Variants in NPAS3 observed in about 807,000 individuals in gnomAD.
The protein encoded by NPAS3 is neuronal PAS domain protein 3, also known as neuronal PAS domain-containing protein 3.
Under a neutral mutation model 73.1 loss-of-function variants are expected in NPAS3, and 14 were observed. That is an observed-to-expected ratio of 0.19 (90% CI 0.13 to 0.30). The LOEUF (loss-of-function observed/expected upper bound fraction) is 0.30, where lower values mean the gene tolerates loss of function less well. NPAS3 is among the 10% of genes least tolerant of loss of function. The pLI is 1.00. For synonymous variants in NPAS3, 620 were observed against 541.5 expected (o/e 1.14, Z -2.01); for missense variants, 1,096 against 1,250.0 (o/e 0.88, Z 1.86).
chr14:33,409,691 G>C lies in NPAS3; in HGVS notation c.468+42423G>C, dbSNP rs1050568933. Among the ~76,000 whole-genome samples the C allele has an allele frequency of 2.6e-5, 4 of 152,308 alleles. No homozygotes were observed. The South Asian group carries it at 8.3e-4, about 32-fold the overall frequency. ...GATTCATTCATTAGCTATGATTCCA[G>C]AAGAGTCTGGCCCTGGGCCTTTATG... On this transcript the variant is annotated intron_variant, in intron 4 of 11. Coordinates refer to ENST00000356141, the Ensembl canonical transcript of NPAS3.
chr14:33,479,248 A>C (rs577535914), intron 4 of NPAS3, among the ~76,000 whole-genome samples: 1 of 152,156 alleles, frequency 6.6e-6, no homozygotes, highest in African/African-American at 2.4e-5. Context: ...TGTTAAATGC[A>C]TGCATGTTGC....
At chr14:33,511,222 G>C (rs899962162) in intron 4 of NPAS3, among the ~76,000 whole-genome samples, 2 of 152,026 alleles carry the variant, frequency 1.3e-5, no homozygotes, top group African/African-American at 4.8e-5. Context: ...TTGCAGAAAC[G>C]CATCAGACTC....
At chr14:33,636,045 C>T (rs558803515) in intron 5 of NPAS3, among the ~76,000 whole-genome samples, 193 of 152,298 alleles carry the variant, frequency 1.3e-3, no homozygotes, top group African/African-American at 4.3e-3. Flanking sequence ...CTTAGCCTCC[C>T]GAGTAGCTGG....
At chr14:33,578,403 A>G (rs914778608) in intron 5 of NPAS3, 1 of 357,158 alleles carries the variant, frequency 2.8e-6, no homozygotes, top group Non-Finnish European at 5.4e-6. Context: ...CATTTTGGTC[A>G]GGGTGGTCTG....
chr14:33,125,309 AT>A (rs1365223909), intron 2 of NPAS3, among the ~76,000 whole-genome samples: 2 of 152,116 alleles, frequency 1.3e-5, no homozygotes, highest in Non-Finnish European at 2.9e-5. Flanking sequence ...AACGGAATTT[AT>A]TTATGGGCAA....
chr14:33,141,510 T>C (rs900717125), intron 2 of NPAS3, among the ~76,000 whole-genome samples: 1 of 152,232 alleles, frequency 6.6e-6, no homozygotes, highest in Non-Finnish European at 1.5e-5. Context: ...TCACAGTAGC[T>C]ACTGTTTAGA....
chr14:33,102,177 C>A (rs982527109), intron 2 of NPAS3, among the ~76,000 whole-genome samples: 1 of 152,116 alleles, frequency 6.6e-6, no homozygotes, highest in Non-Finnish European at 1.5e-5. Flanking sequence ...GCCGTTGGGA[C>A]TTTACTGTGG....
Position 33,452,222 on chromosome 14 carries a change from G to A in NPAS3, c.468+84954G>A, listed in dbSNP as rs113178495. Among the ~76,000 whole-genome samples the A allele has an allele frequency of 3.9e-4, 59 of 152,248 alleles. 3 individuals are homozygous for A. Among genetic ancestry groups the A allele is most frequent in the African/African-American group, 1.3e-3 (54 of 41,538 alleles). On this transcript the variant is annotated intron_variant, in intron 4 of 11. Transcript: ENST00000356141. ...CCCAGGCTCCTGGTTGTGGACTCTC[G>A]GATGGGGCTGGGCATTGTTAAAGGA...
chr14:33,598,949 A>T (rs2139987718), intron 5 of NPAS3, among the ~76,000 whole-genome samples: 1 of 152,360 alleles, frequency 6.6e-6, no homozygotes, highest in Non-Finnish European at 1.5e-5. Context: ...TTTTATATAC[A>T]CTGCAATTTC....
intron 3 of NPAS3, among the ~76,000 whole-genome samples, chr14:33,247,179 TTC>T (rs796185335): frequency 6.1e-4 from 93 of 152,268 alleles, no homozygotes; most frequent in African/African-American, 1.7e-3. Context: ...AGAATATACA[TTC>T]TAAAGTACTC....
chr14:33,143,672 GT>G (rs2044141029), intron 2 of NPAS3, among the ~76,000 whole-genome samples: 1 of 152,026 alleles, frequency 6.6e-6, no homozygotes, highest in Non-Finnish European at 1.5e-5. Flanking sequence ...TCTAAAACAT[GT>G]TTATCACCCC....
In NPAS3 at chr14:33,337,119, C is replaced by T. The variant is rs145694746; in HGVS notation, c.386-30067C>T. 1.9e-3 allele frequency among the ~76,000 whole-genome samples: 290 copies of T among 152,152 alleles called. 1 individual carries two copies. The highest frequency in any genetic ancestry group is 6.5e-3 in the African/African-American group (270 of 41,526). ...TTTGTCATTTATTTCTTTTATGGAT[C>T]ATACTTCAGGTGTCATATCAGAGAA... On this transcript the variant is annotated intron_variant, in intron 3 of 11. Transcript: ENST00000356141.
chr14:32,988,989 T>A (rs958501917), intron 1 of NPAS3, among the ~76,000 whole-genome samples: 24 of 152,304 alleles, frequency 1.6e-4, no homozygotes, highest in African/African-American at 5.5e-4. Context: ...AGACATGGTA[T>A]CTGCCATCTA....
chr14:33,257,982 C>G (rs1012251608), intron 3 of NPAS3, among the ~76,000 whole-genome samples: 2 of 152,116 alleles, frequency 1.3e-5, no homozygotes, highest in Non-Finnish European at 2.9e-5. Flanking sequence ...TATAGAACTT[C>G]CTAAATTCAG....
chr14:33,163,530 A>G (rs1420549957), intron 2 of NPAS3, among the ~76,000 whole-genome samples: 2 of 152,018 alleles, frequency 1.3e-5, no homozygotes, highest in East Asian at 3.9e-4. Flanking sequence ...CGTTTTAGCT[A>G]TTGATATGGG....
intron 7 of NPAS3, among the ~76,000 whole-genome samples, chr14:33,763,161 G>A (rs571874643): frequency 4.0e-4 from 61 of 152,260 alleles, no homozygotes; most frequent in African/African-American, 1.4e-3. Context: ...GCCCCCTCCA[G>A]CTCCAGCTTG....
At chr14:33,096,278 A>T (rs1362119457) in intron 2 of NPAS3, among the ~76,000 whole-genome samples, 1 of 152,080 alleles carries the variant, frequency 6.6e-6, no homozygotes, top group Non-Finnish European at 1.5e-5. Flanking sequence ...TGAACTGTGT[A>T]AAAAGTTGAA....
chr14:33,762,130 ATAATTC>A (rs1198825451), intron 7 of NPAS3, among the ~76,000 whole-genome samples: 1 of 152,250 alleles, frequency 6.6e-6, no homozygotes, highest in African/African-American at 2.4e-5. Flanking sequence ...TCCCGAATTG[ATAATTC>A]TAATTTCTTA....
chr14:33,175,913 AAAC>A (rs1404254085), intron 2 of NPAS3, among the ~76,000 whole-genome samples: 3 of 152,180 alleles, frequency 2.0e-5, no homozygotes, highest in African/African-American at 4.8e-5. Context: ...TCTGGTTTTA[AAAC>A]AACAACAACA....
Sources: gnomAD v4.1 joint callset for allele counts (sites outside exome capture counted in the v4.1 genomes callset) on GRCh38, gnomAD v4.1.1 for gene constraint, MANE v1.5 for transcripts, NCBI Gene and HGNC (gene_info 2026-07-23, HGNC 2026-07-21) for gene names.